IKBKB: variants seen among roughly 807,000 people sequenced by gnomAD.
The protein encoded by IKBKB is inhibitor of nuclear factor kappa-B kinase subunit beta.
IKBKB carries 42 observed loss-of-function variants against 113.6 expected under a neutral mutation model. The ratio of observed to expected loss-of-function variants is 0.37; its 90% CI spans 0.29 to 0.48. The LOEUF (loss-of-function observed/expected upper bound fraction) is 0.48. Among genes scored for constraint, IKBKB ranks in the 20% least tolerant of loss-of-function variants. The pLI, the probability that IKBKB is intolerant of heterozygous loss-of-function variation, is 0.99. For missense variants in IKBKB, 673 were observed against 939.7 expected, an observed-to-expected ratio of 0.72 and a Z score of 3.71; for synonymous variants, 296 against 361.3, an observed-to-expected ratio of 0.82 and a Z score of 2.05.
intron 5 of IKBKB, among the ~76,000 whole-genome samples, chr8:42,294,530 T>G (rs1264831817): frequency 1.3e-5 from 2 of 152,142 alleles, no homozygotes; most frequent in Non-Finnish European, 2.9e-5. Flanking sequence ...TCTTCCTGAC[T>G]GCTGCTTTTG....
intron 8 of IKBKB, among the ~76,000 whole-genome samples, chr8:42,312,316 A>G (rs1817870187): frequency 6.6e-6 from 1 of 152,192 alleles, no homozygotes; most frequent in Non-Finnish European, 1.5e-5. Flanking sequence ...ATACATTCCT[A>G]ATGGCCCAGC....
At chr8:42,289,201 C>T (rs892970882) in intron 3 of IKBKB, among the ~76,000 whole-genome samples, 3 of 152,070 alleles carry the variant, frequency 2.0e-5, no homozygotes, top group African/African-American at 7.2e-5. Flanking sequence ...GGCAACAGAG[C>T]GAGACTCCGT....
At chr8:42,324,484 C>T (rs376782506) in intron 19 of IKBKB, among the ~76,000 whole-genome samples, 2 of 151,672 alleles carry the variant, frequency 1.3e-5, no homozygotes, top group Non-Finnish European at 1.5e-5. Context: ...AGGCTGGTCT[C>T]GAACTGGCCT....
In IKBKB at chr8:42,326,111, A is replaced by G. The variant is rs1820686046; in HGVS notation, c.2114+14A>G. The G allele has an allele frequency of 6.2e-7, 1 of 1,613,984 alleles. No homozygotes were observed. The highest frequency in any genetic ancestry group is 1.7e-5 in the Admixed American group (1 of 60,000). The stretch of plus-strand genomic sequence containing the variant: ...AGCCAAGAAGAGGTAGGTCCTCCTT[A>G]GCAGTGCCAAGTGTGACCATCAAGG... On this transcript the variant is annotated intron_variant, in intron 20 of 21. Coordinates refer to ENST00000520810, the MANE Select transcript of IKBKB (RefSeq NM_001556.3).
intron 7 of IKBKB, among the ~76,000 whole-genome samples, chr8:42,306,845 T>G (rs1301438342): frequency 1.3e-5 from 2 of 152,220 alleles, no homozygotes; most frequent in African/African-American, 4.8e-5. Flanking sequence ...CAGGGGCCAC[T>G]GAGTAGGGGT....
In IKBKB at chr8:42,319,384, C is replaced by A. The variant is rs1819334252; in HGVS notation, c.1479C>A (p.Asp493Glu). The A allele has an allele frequency of 6.2e-7, 1 of 1,614,148 alleles. No homozygotes were observed. Among genetic ancestry groups the A allele is most frequent in the Non-Finnish European group, 8.5e-7 (1 of 1,180,008 alleles). The part of the protein sequence containing the change: ...LDFFKTSIQI[D>E]LEKYSEQTEF... ...TCTTCAAAACCAGCATCCAGATTGA[C>A]CTGGAGAAGTACAGCGAGCAAACCG... Residue 493 changes from aspartate to glutamate, a missense_variant, in exon 14 of 22, where the codon GAC becomes GAA. Physicochemically the swap from Asp to Glu is conservative, Grantham distance 45. Around this residue, in one of 2 missense-constraint regions of IKBKB, gnomAD observed 506 missense variants for 638.7 expected, o/e 0.79. Transcript: ENST00000520810.
At chr8:42,290,618 C>A (rs1350094304) in intron 4 of IKBKB, among the ~76,000 whole-genome samples, 1 of 152,190 alleles carries the variant, frequency 6.6e-6, no homozygotes, top group Non-Finnish European at 1.5e-5. Flanking sequence ...ATGTTAGGGC[C>A]ACGTTAGGCC....
chr8:42,291,215 T>C (rs888254418), intron 4 of IKBKB, among the ~76,000 whole-genome samples: 5 of 152,198 alleles, frequency 3.3e-5, no homozygotes, highest in Non-Finnish European at 7.3e-5. Context: ...AGAGTCTCGC[T>C]GTATTGCCCA....
At chr8:42,273,051 G>C (rs1277576881) in intron 2 of IKBKB, among the ~76,000 whole-genome samples, 1 of 152,018 alleles carries the variant, frequency 6.6e-6, no homozygotes, top group Non-Finnish European at 1.5e-5. Flanking sequence ...AGGCTGTAGT[G>C]AGCTATGATT....
intron 2 of IKBKB, among the ~76,000 whole-genome samples, chr8:42,272,639 G>A (rs1808024277): frequency 6.6e-6 from 1 of 151,988 alleles, no homozygotes. Flanking sequence ...TACAAAAAAG[G>A]TTTAAAAATT....
At chr8:42,281,217 A>C (rs1048427634) in intron 2 of IKBKB, among the ~76,000 whole-genome samples, 5 of 152,090 alleles carry the variant, frequency 3.3e-5, no homozygotes, top group African/African-American at 1.2e-4. Flanking sequence ...AAGGAGGTAC[A>C]CTTTCGAGGG....
At chr8:42,319,719 A>T (rs1193380399) in intron 15 of IKBKB, 73 bp downstream of exon 15, 1 of 1,215,616 alleles carries the variant, frequency 8.2e-7, no homozygotes, top group East Asian at 2.3e-5. Flanking sequence ...TCACTTTCTC[A>T]TCAAACACTG....
intron 1 of IKBKB, 38 bp downstream of exon 1, chr8:42,271,507 G>A: frequency 1.4e-6 from 1 of 713,580 alleles, no homozygotes; most frequent in Admixed American, 3.0e-5. Flanking sequence ...GGTGCCACCT[G>A]CAGGCCCCGC....
At chr8:42,302,646 A>G (rs1252403849) in intron 5 of IKBKB, among the ~76,000 whole-genome samples, 4 of 152,206 alleles carry the variant, frequency 2.6e-5, no homozygotes, top group African/African-American at 9.6e-5. Flanking sequence ...GTATAAAATT[A>G]CCATCAGACT....
At chr8:42,284,797 C>T (rs79513318) in intron 2 of IKBKB, among the ~76,000 whole-genome samples, 399 of 150,964 alleles carry the variant, frequency 2.6e-3, no homozygotes, top group African/African-American at 9.1e-3. Context: ...GACCAGGAAT[C>T]GGGAGGTACA....
intron 2 of IKBKB, among the ~76,000 whole-genome samples, chr8:42,274,694 G>A (rs1367078047): frequency 1.4e-5 from 2 of 147,770 alleles, no homozygotes; most frequent in African/African-American, 5.0e-5. Flanking sequence ...CACCACACCT[G>A]GCTAATTTTT....
chr8:42,315,892 A>C (rs1473653047), intron 9 of IKBKB, among the ~76,000 whole-genome samples: 1 of 152,088 alleles, frequency 6.6e-6, no homozygotes, highest in Non-Finnish European at 1.5e-5. Flanking sequence ...CAAACTCCTG[A>C]CCTCAAGTGA....
In IKBKB at chr8:42,316,899, G is replaced by T. The variant is rs758806135; in HGVS notation, c.1120G>T (p.Gly374Cys). Residue 374 changes from glycine to cysteine, a missense_variant, in exon 11 of 22, where the codon GGC becomes TGC. Physicochemically the swap from Gly to Cys is radical, Grantham distance 159. This residue lies in a region of IKBKB where 506 missense variants were observed against 638.7 expected (regional missense o/e 0.79). Coordinates refer to ENST00000520810, the MANE Select transcript of IKBKB (RefSeq NM_001556.3). The surrounding 1 kb of genome is among the most constrained non-coding windows in gnomAD (Gnocchi z 4.5). ...GCCTGCCACTCAGTGTATTTCAGAC[G>T]GCAAGGTGAGCCCTGGCTTCGTACA... ...DKPATQCISD[G>C]KLNEGHTLDM... The T allele has an allele frequency of 6.2e-6, 10 of 1,613,746 alleles. No individual in the cohort carries two copies. The East Asian group carries it at 6.7e-5, about 11-fold the overall frequency.
intron 5 of IKBKB, 200 bp downstream of exon 5, chr8:42,293,712 TTTCCC>T: frequency 1.4e-6 from 1 of 725,992 alleles, no homozygotes; most frequent in South Asian, 1.9e-5. Flanking sequence ...CTCAAATAGG[TTTCCC>T]TTCCTTCCTG....
Sources: gnomAD v4.1 joint callset for allele counts (sites outside exome capture counted in the v4.1 genomes callset) on GRCh38, gnomAD v4.1.1 for gene constraint, gnomAD v4.1.1 regional missense constraint, Gnocchi (gnomAD v3.1) non-coding constraint, MANE v1.5 for transcripts, NCBI Gene and HGNC (gene_info 2026-07-23, HGNC 2026-07-21) for gene names.